Variants in SLC17A9 observed in about 807,000 individuals in gnomAD.
SLC17A9 encodes solute carrier family 17 member 9, also known as voltage-gated purine nucleotide uniporter SLC17A9.
Under a neutral mutation model 55.0 loss-of-function variants are expected in SLC17A9, and 49 were observed. That is an observed-to-expected ratio of 0.89 (90% CI 0.71 to 1.13). The LOEUF (loss-of-function observed/expected upper bound fraction) is 1.13. Among genes scored for constraint, SLC17A9 ranks in the 50% most tolerant of loss-of-function variants. The pLI, the probability that SLC17A9 is intolerant of heterozygous loss-of-function variation, is 0.00. For synonymous variants in SLC17A9, 256 were observed against 247.4 expected, an observed-to-expected ratio of 1.03 and a Z score of -0.32; for missense variants, 526 against 569.3, an observed-to-expected ratio of 0.92 and a Z score of 0.77.
At chr20:62,966,673 A>G (rs2065642956) in intron 11 of SLC17A9, 30 bp from the exon 12 acceptor site, 2 of 1,613,580 alleles carry the variant, frequency 1.2e-6, no homozygotes, top group Non-Finnish European at 8.5e-7. Context: ...CTGACCATCC[A>G]TATTCTCTCT....
At chr20:62,965,501 C>T in intron 9 of SLC17A9, 109 bp from the exon 10 acceptor site, 2 of 1,050,042 alleles carry the variant, frequency 1.9e-6, no homozygotes, top group Non-Finnish European at 2.9e-6. Context: ...CGCAGCCAAC[C>T]TGACCGTTGT....
intron 1 of SLC17A9, chr20:62,953,290 G>C: frequency 6.5e-7 from 1 of 1,546,448 alleles, no homozygotes; most frequent in Non-Finnish European, 8.7e-7. Context: ...GCACGGGCTG[G>C]AGCCTGCAGC....
intron 1 of SLC17A9, among the ~76,000 whole-genome samples, chr20:62,956,214 C>T (rs369480206): frequency 1.2e-4 from 19 of 152,292 alleles, no homozygotes; most frequent in South Asian, 2.1e-4. Flanking sequence ...TCTTTTCTCC[C>T]GTGGGAAGCG....
At chr20:62,965,014 T>G in intron 8 of SLC17A9, 118 bp from the exon 9 acceptor site, 31 of 1,209,542 alleles carry the variant, frequency 2.6e-5, no homozygotes, top group Non-Finnish European at 3.6e-5. Context: ...ATAGCTGTCT[T>G]GAGCCCCAAG....
Position 62,966,742 on chromosome 20 carries a change from G to A in SLC17A9, c.1147+10G>A, listed in dbSNP as rs1157203981. On this transcript the variant is annotated intron_variant, in intron 12 of 12. Coordinates refer to ENST00000370351, the MANE Select transcript of SLC17A9 (RefSeq NM_022082.4). The stretch of plus-strand genomic sequence containing the variant: ...GCCGGGGCCTTGGCAGGTGAGGGGC[G>A]GGCCTCTGTGCCCAGGAGTTCCCCT... The A allele has an allele frequency of 3.7e-6, 6 of 1,609,048 alleles. No homozygotes were observed. The highest frequency in any genetic ancestry group is 1.7e-4 in the Middle Eastern group (1 of 6,030).
rs537012724 is a variant in SLC17A9, at chr20:62,964,399, G to A, written c.910+84G>A. 23 of 1,362,596 alleles carry A rather than the reference G, an allele frequency of 1.7e-5. No homozygotes were observed. The East Asian group carries it at 2.5e-4, about 15-fold the overall frequency. The allele number at this position is 1,362,596 out of a possible 1,614,324, so 84.4% of individuals were successfully genotyped here. A position where few individuals can be genotyped will look rare whatever the true frequency, so the allele number is the denominator to read the frequency against. ...AGGGGCAGGATGCTCCCATCCTGGG[G>A]CTGCAGCTTCAGCACACGGAGAGCT... On this transcript the variant is annotated intron_variant, in intron 8 of 12. Transcript: ENST00000370351.
In SLC17A9 at chr20:62,958,948, C is replaced by A. The variant is rs117079508; in HGVS notation, c.397+1368C>A. ...TTAGGATTGTGTGTTTACTGTGAGG[C>A]CCCATCCCAGAGCCAGCCCCTCCAG... On this transcript the variant is annotated intron_variant, in intron 3 of 12. Coordinates refer to ENST00000370351, the MANE Select transcript of SLC17A9 (RefSeq NM_022082.4). The surrounding 1 kb of genome is among the most constrained non-coding windows in gnomAD (Gnocchi z 4.1). Among the ~76,000 whole-genome samples the A allele has an allele frequency of 9.5e-3, 1,442 of 152,266 alleles. 12 individuals are homozygous for A. The highest frequency in any genetic ancestry group is 0.014 in the Non-Finnish European group (933 of 68,010).
intron 5 of SLC17A9, 143 bp from the exon 6 acceptor site, chr20:62,963,130 G>A: frequency 2.4e-6 from 2 of 833,244 alleles, no homozygotes; most frequent in Non-Finnish European, 1.9e-6. Flanking sequence ...GGGAGGCCAA[G>A]GGAGGCTGGC....
chr20:62,962,932 C>A lies in SLC17A9; in HGVS notation c.628+178C>A. On this transcript the variant is annotated intron_variant, in intron 5 of 12. Coordinates refer to ENST00000370351, the MANE Select transcript of SLC17A9 (RefSeq NM_022082.4). This position sits in a 1 kb window ranked among gnomAD's most constrained non-coding sequence, Gnocchi z 5.5. ...CTGAGCTGTCAGCGGCTCCGCCACC[C>A]AATTCGATCTGGAAGGTTCCATCTA... 1 of 879,380 alleles carries A rather than the reference C, an allele frequency of 1.1e-6. No homozygotes were observed. Among genetic ancestry groups the A allele is most frequent in the Non-Finnish European group, 1.7e-6 (1 of 588,964 alleles). The allele number at this position is 879,380 out of a possible 1,614,324, so 54.5% of individuals were successfully genotyped here.
chr20:62,966,391 G>A (rs1208726858), intron 10 of SLC17A9, 134 bp from the exon 11 acceptor site: 1 of 964,662 alleles, frequency 1.0e-6, no homozygotes, highest in Non-Finnish European at 1.6e-6. Context: ...CTCTGGCCAG[G>A]GAGCAGGCCT....
At chr20:62,959,467 G>T (rs1400889369) in intron 3 of SLC17A9, among the ~76,000 whole-genome samples, 1 of 152,254 alleles carries the variant, frequency 6.6e-6, no homozygotes, top group Non-Finnish European at 1.5e-5. Flanking sequence ...AGCAATGGCG[G>T]CTGCGTGGTA....
At chr20:62,963,792 T>A (rs2065610910) in intron 7 of SLC17A9, 112 bp downstream of exon 7, 4 of 995,762 alleles carry the variant, frequency 4.0e-6, no homozygotes, top group African/African-American at 1.6e-5. Flanking sequence ...CGGCTCCTCC[T>A]GGACTCTGAG....
intron 7 of SLC17A9, 104 bp from the exon 8 acceptor site, chr20:62,964,124 C>G: frequency 8.6e-7 from 1 of 1,164,844 alleles, no homozygotes; most frequent in Non-Finnish European, 1.3e-6. Context: ...GGAGAGCTTT[C>G]CTGGGCAGTG....
At chr20:62,955,821 C>A (rs2427455) in intron 1 of SLC17A9, among the ~76,000 whole-genome samples, 69,892 of 152,204 alleles carry the variant, frequency 0.46, 17,384 homozygotes, top group East Asian at 0.75. Flanking sequence ...GGTTAGGCAG[C>A]CTGGCAGTGA....
Position 62,967,877 on chromosome 20 carries a change from A to G in SLC17A9, c.*377A>G, listed in dbSNP as rs2065654992. 1 of 172,962 alleles carries G rather than the reference A, an allele frequency of 5.8e-6. No homozygotes were observed. The highest frequency in any genetic ancestry group is 1.2e-5 in the Non-Finnish European group (1 of 81,630). 10.7% of individuals were successfully genotyped at this position (172,962 alleles called of 1,614,324 possible). On this transcript the variant is annotated 3_prime_UTR_variant, in exon 13 of 13. Coordinates refer to ENST00000370351, the MANE Select transcript of SLC17A9 (RefSeq NM_022082.4). Reference sequence around the variant, plus strand: ...CTCCCTCGGTCGCCGTGTTCTCCGCAAGCCTCCTGCAGCGCCCGCCTGCCA... The same window carrying G: ...CTCCCTCGGTCGCCGTGTTCTCCGCGAGCCTCCTGCAGCGCCCGCCTGCCA...
chr20:62,965,764 G>C, intron 10 of SLC17A9, 39 bp downstream of exon 10: 12 of 1,593,670 alleles, frequency 7.5e-6, no homozygotes, highest in Non-Finnish European at 9.5e-6. Context: ...GCGCCGTGCT[G>C]CCCGCACGGC....
intron 8 of SLC17A9, 87 bp downstream of exon 8, chr20:62,964,402 G>T: frequency 7.7e-7 from 1 of 1,300,828 alleles, no homozygotes. Context: ...TCCTGGGGCT[G>T]CAGCTTCAGC....
intron 3 of SLC17A9, among the ~76,000 whole-genome samples, chr20:62,957,934 T>TCG (rs1441464712): frequency 6.6e-6 from 1 of 152,112 alleles, no homozygotes; most frequent in Non-Finnish European, 1.5e-5. Flanking sequence ...AGTGCATATG[T>TCG]CCCTGCAGAC....
In SLC17A9 at chr20:62,957,476, C is replaced by T; in HGVS notation, c.293C>T (p.Ser98Phe). The T allele has an allele frequency of 6.2e-7, 1 of 1,608,402 alleles. No individual in the cohort carries two copies. The highest frequency in any genetic ancestry group is 8.5e-7 in the Non-Finnish European group (1 of 1,177,972). The change falls in exon 3 of 13, where the codon TCT (serine) becomes TTT (phenylalanine). Residue 98 changes from serine to phenylalanine, a missense_variant. By Grantham distance (155) the Ser-to-Phe change is radical. Coordinates refer to ENST00000370351, the MANE Select transcript of SLC17A9 (RefSeq NM_022082.4). The stretch of plus-strand genomic sequence containing the variant: ...GAGAAGGTCATCCTGCTGTCAGCCT[C>T]TGCCTGGGGCTCCATCACGGCCGTC... ...GGEKVILLSASAWGSITAVTP... is the reference protein window; with the variant it reads ...GGEKVILLSAFAWGSITAVTP...
Sources: gnomAD v4.1 joint callset for allele counts (sites outside exome capture counted in the v4.1 genomes callset) on GRCh38, gnomAD v4.1.1 for gene constraint, Gnocchi (gnomAD v3.1) non-coding constraint, MANE v1.5 for transcripts, NCBI Gene and HGNC (gene_info 2026-07-23, HGNC 2026-07-21) for gene names.